Variants in FHDC1 observed in about 807,000 individuals in gnomAD.
The protein encoded by FHDC1 is FH2 domain-containing protein 1.
Under a neutral mutation model 52.6 loss-of-function variants are expected in FHDC1, and 25 were observed. The observed-to-expected ratio is 0.48, with a 90% CI of 0.35 to 0.66. The LOEUF is 0.66. Ranked by LOEUF, FHDC1 falls within the 30% of genes least tolerant of loss-of-function variation. FHDC1 has a pLI of 0.01. For synonymous variants in FHDC1, 616 were observed against 581.5 expected (o/e 1.06, Z -0.85); for missense variants, 1,459 against 1,452.8 (o/e 1.00, Z -0.07).
At chr4:152,939,656 T>C (rs1211988306) in intron 1 of FHDC1, among the ~76,000 whole-genome samples, 1 of 152,186 alleles carries the variant, frequency 6.6e-6, no homozygotes, top group East Asian at 1.9e-4. Context: ...TACAGCCTCC[T>C]TGGGAGAGTC....
chr4:152,969,252 C>T (rs180699954), intron 10 of FHDC1, among the ~76,000 whole-genome samples: 4 of 152,314 alleles, frequency 2.6e-5, no homozygotes, highest in Non-Finnish European at 4.4e-5. Context: ...CCAGCTGAAG[C>T]CTTCGCTTCT....
chr4:152,911,568 A>T, the FHDC1 span: 4 of 152,612 alleles, frequency 2.6e-5, no homozygotes, highest in Non-Finnish European at 5.9e-5. Context: ...ACATAAATTA[A>T]TATTTTGAGA....
chr4:152,953,515 C>T lies in FHDC1; in HGVS notation c.515C>T (p.Ala172Val), dbSNP rs1302966701. 1.9e-6 allele frequency: 3 copies of T among 1,611,938 alleles called. No individual in the cohort carries two copies. Among genetic ancestry groups the T allele is most frequent in the African/African-American group, 2.7e-5 (2 of 74,826 alleles). The change falls in exon 3 of 12, where the codon GCA (alanine) becomes GTA (valine). Residue 172 changes from alanine to valine, a missense_variant. Ala to Val is a moderately conservative substitution (Grantham distance 64, BLOSUM62 0). Transcript: ENST00000511601. Reference sequence around the variant, plus strand: ...TTTTTCCAGATTACTATTTTGGATGCAAAACGGAGCATGAACATTGGGATA... The same window carrying T: ...TTTTTCCAGATTACTATTTTGGATGTAAAACGGAGCATGAACATTGGGATA... ...EAREEITILDAKRSMNIGIFL... is the reference protein window; with the variant it reads ...EAREEITILDVKRSMNIGIFL...
intron 9 of FHDC1, among the ~76,000 whole-genome samples, chr4:152,967,256 T>A (rs1740492562): frequency 6.6e-6 from 1 of 152,112 alleles, no homozygotes; most frequent in Non-Finnish European, 1.5e-5. Context: ...CGAAACCCCG[T>A]CTCCACTAAA....
intron 1 of FHDC1, among the ~76,000 whole-genome samples, chr4:152,941,273 T>C (rs1291530581): frequency 1.3e-5 from 2 of 152,232 alleles, no homozygotes; most frequent in Non-Finnish European, 2.9e-5. Flanking sequence ...CAAACTTTGA[T>C]AGCAAAGAAT....
At chr4:152,963,935 T>C (rs989756198) in intron 8 of FHDC1, among the ~76,000 whole-genome samples, 1 of 152,098 alleles carries the variant, frequency 6.6e-6, no homozygotes, top group African/African-American at 2.4e-5. Flanking sequence ...TCAGTTGTTT[T>C]GACATCAGTG....
intron 2 of FHDC1, among the ~76,000 whole-genome samples, chr4:152,950,232 C>T (rs140479258): frequency 6.6e-6 from 1 of 152,254 alleles, no homozygotes; most frequent in East Asian, 1.9e-4. Flanking sequence ...AGAGAGCAAG[C>T]ATTTGGGAAG....
chr4:152,972,240 C>T lies in FHDC1; in HGVS notation c.1219-137C>T, dbSNP rs377478353. 461 of 817,602 alleles carry T rather than the reference C, an allele frequency of 5.6e-4. 2 individuals are homozygous for T. In the South Asian group the frequency reaches 9.4e-3, roughly 17 times the overall value. The allele number at this position is 817,602 out of a possible 1,614,324, so 50.6% of individuals were successfully genotyped here. ...TTCCTTTTGGCTCTGATTGCATTGG[C>T]CTTGCAATAAACCTTCCTTTTCCAA... On this transcript the variant is annotated intron_variant, in intron 10 of 11. Coordinates refer to ENST00000511601, the MANE Select transcript of FHDC1 (RefSeq NM_001371116.1).
chr4:152,939,152 T>C (rs62320603), intron 1 of FHDC1, among the ~76,000 whole-genome samples: 4,075 of 152,272 alleles, frequency 0.027, 98 homozygotes, highest in South Asian at 0.11. Context: ...TAATCTCGGC[T>C]CACTGCAACC....
chr4:152,938,441 C>G (rs1383050248), intron 1 of FHDC1, among the ~76,000 whole-genome samples: 1 of 152,092 alleles, frequency 6.6e-6, no homozygotes. Context: ...GTAATTGTAC[C>G]GACTGACATT....
chr4:152,931,925 A>G, upstream of FHDC1, among the ~76,000 whole-genome samples: 1 of 131,378 alleles, frequency 7.6e-6, no homozygotes, highest in Non-Finnish European at 1.6e-5. Flanking sequence ...TGATGGAGCG[A>G]GAACCTGTCT....
chr4:152,930,533 C>A, the FHDC1 span, among the ~76,000 whole-genome samples: 1 of 152,130 alleles, frequency 6.6e-6, no homozygotes, highest in African/African-American at 2.4e-5. Context: ...TCAATTTTAG[C>A]CAGGTCAGGC....
the FHDC1 span, among the ~76,000 whole-genome samples, chr4:152,925,876 AAGGAGG>A: frequency 3.2e-5 from 3 of 94,612 alleles, no homozygotes; most frequent in African/African-American, 6.6e-5. Context: ...GAAGGAGGAG[AAGGAGG>A]AGGAGGAGGA....
chr4:152,970,767 T>G (rs1403212824), intron 10 of FHDC1, among the ~76,000 whole-genome samples: 1 of 152,232 alleles, frequency 6.6e-6, no homozygotes, highest in East Asian at 1.9e-4. Context: ...TTTTCGTTTC[T>G]TACTACCTCT....
intron 2 of FHDC1, 40 bp downstream of exon 2, chr4:152,943,595 C>T: frequency 6.4e-7 from 1 of 1,568,440 alleles, no homozygotes. Flanking sequence ...CCACACACTG[C>T]ATTGTTTTGT....
intron 1 of FHDC1, among the ~76,000 whole-genome samples, chr4:152,936,668 A>T (rs1739389373): frequency 6.6e-6 from 1 of 152,226 alleles, no homozygotes. Flanking sequence ...GAGAACAGCG[A>T]TCGGTCCCTG....
intron 10 of FHDC1, among the ~76,000 whole-genome samples, chr4:152,968,662 T>C (rs1485587680): frequency 6.6e-6 from 1 of 152,196 alleles, no homozygotes; most frequent in Non-Finnish European, 1.5e-5. Flanking sequence ...GGACAGTGCT[T>C]CTGCGAGGCT....
chr4:152,952,315 C>T (rs1377147240), intron 2 of FHDC1, among the ~76,000 whole-genome samples: 3 of 151,834 alleles, frequency 2.0e-5, no homozygotes, highest in African/African-American at 7.3e-5. Flanking sequence ...TTTATTTTCT[C>T]AGTTCAAATC....
At chr4:152,953,448 C>G (rs1739985880) in intron 2 of FHDC1, 51 bp from the exon 3 acceptor site, 2 of 1,422,360 alleles carry the variant, frequency 1.4e-6, no homozygotes, top group African/African-American at 1.4e-5. Context: ...CTTTCTCCAT[C>G]TCTTTTTATT....
Sources: allele counts gnomAD v4.1 joint callset (sites outside exome capture counted in the v4.1 genomes callset), GRCh38; gene constraint gnomAD v4.1.1; transcripts MANE v1.5; gene names NCBI Gene and HGNC (gene_info 2026-07-23, HGNC 2026-07-21).